VAPA: variants seen among roughly 807,000 people sequenced by gnomAD.
VAPA encodes vesicle-associated membrane protein-associated protein A.
Under a neutral mutation model 25.6 loss-of-function variants are expected in VAPA, and 6 were observed. The ratio of observed to expected loss-of-function variants is 0.23; its 90% CI spans 0.13 to 0.46. The LOEUF (loss-of-function observed/expected upper bound fraction) is 0.46. VAPA is among the 20% of genes least tolerant of loss of function. VAPA has a pLI of 0.99. For synonymous variants in VAPA, 112 were observed against 106.2 expected, an observed-to-expected ratio of 1.05 and a Z score of -0.34; for missense variants, 244 against 302.1, an observed-to-expected ratio of 0.81 and a Z score of 1.43.
At chr18:9,939,639 C>G (rs2069347177) in intron 4 of VAPA, among the ~76,000 whole-genome samples, 1 of 149,738 alleles carries the variant, frequency 6.7e-6, no homozygotes, top group African/African-American at 2.5e-5. Flanking sequence ...AACCTTTTTT[C>G]CCTGTCCCTG....
At chr18:9,934,288 C>A (rs1266715520) in intron 2 of VAPA, among the ~76,000 whole-genome samples, 1 of 152,014 alleles carries the variant, frequency 6.6e-6, no homozygotes, top group Non-Finnish European at 1.5e-5. Context: ...TTTTCAAGAT[C>A]GTCTTTGTCT....
intron 1 of VAPA, among the ~76,000 whole-genome samples, chr18:9,924,307 A>G (rs1293042983): frequency 1.3e-5 from 2 of 152,122 alleles, no homozygotes; most frequent in African/African-American, 4.8e-5. Flanking sequence ...TTCTATTTTA[A>G]TCAAGATGTT....
intron 1 of VAPA, among the ~76,000 whole-genome samples, chr18:9,918,246 C>T (rs2069128487): frequency 6.6e-6 from 1 of 152,190 alleles, no homozygotes; most frequent in African/African-American, 2.4e-5. Flanking sequence ...CATATAAATA[C>T]ACCAGAGTCT....
Position 9,936,974 on chromosome 18 carries a change from GTTTAT to G in VAPA, c.337-8_337-4del. On this transcript the variant is annotated splice_polypyrimidine_tract_variant and splice_region_variant and intron_variant, in intron 3 of 5. Transcript: ENST00000400000. ...CCTCCTATGTCTCATGTTTGGTTTT[GTTTAT>G]TTTTAGTGGAAAGAGGCAAAACCTG... The G allele has an allele frequency of 6.2e-7, 1 of 1,612,572 alleles. No homozygotes were observed. Among genetic ancestry groups the G allele is most frequent in the Non-Finnish European group, 8.5e-7 (1 of 1,178,918 alleles).
intron 4 of VAPA, among the ~76,000 whole-genome samples, chr18:9,943,462 A>G (rs1448550545): frequency 6.6e-6 from 1 of 152,170 alleles, no homozygotes; most frequent in Non-Finnish European, 1.5e-5. Context: ...AATACATTTC[A>G]TTTTGTTAAT....
chr18:9,942,531 G>A (rs996327150), intron 4 of VAPA, among the ~76,000 whole-genome samples: 9 of 152,044 alleles, frequency 5.9e-5, no homozygotes, highest in African/African-American at 2.2e-4. Flanking sequence ...TACTGTATTA[G>A]TCTGTTCTCA....
chr18:9,954,180 T>G lies in VAPA; in HGVS notation c.719T>G (p.Ile240Ser). The G allele has an allele frequency of 6.8e-6, 11 of 1,613,974 alleles. No individual in the cohort carries two copies. The highest frequency in any genetic ancestry group is 9.3e-6 in the Non-Finnish European group (11 of 1,179,910). Residue 240 changes from isoleucine to serine, a missense_variant, in exon 6 of 6, where the codon ATT becomes AGT. This residue lies in a region of VAPA where 145 missense variants were observed against 140.6 expected (regional missense o/e 1.03). Transcript: ENST00000400000. ...CTTGTTGTAATTGCAGCCATTTTCA[T>G]TGGATTCTTTCTAGGGAAATTCATC... is the stretch of plus-strand genomic sequence containing the variant. ...SLLVVIAAIF[I>S]GFFLGKFIL
At chr18:9,918,398 C>T (rs749776646) in intron 1 of VAPA, among the ~76,000 whole-genome samples, 4 of 152,192 alleles carry the variant, frequency 2.6e-5, no homozygotes, top group Non-Finnish European at 4.4e-5. Context: ...CAGTTACTCA[C>T]CTTTTATTCT....
Position 9,929,579 on chromosome 18 carries a change from G to A in VAPA, c.80-2231G>A, listed in dbSNP as rs569640851. Among the ~76,000 whole-genome samples, 5 of 152,212 alleles carry A rather than the reference G, an allele frequency of 3.3e-5. No homozygotes were observed. In the South Asian group the frequency reaches 6.2e-4, roughly 19 times the overall value. On this transcript the variant is annotated intron_variant, in intron 1 of 5. Transcript: ENST00000400000. The stretch of plus-strand genomic sequence containing the variant: ...TTTTATGAGGTGGGATATGGCTTTC[G>A]TCAGGTTCTTAAAGGATTCTGTGAC...
chr18:9,928,453 G>C (rs1279364655), intron 1 of VAPA, among the ~76,000 whole-genome samples: 1 of 152,048 alleles, frequency 6.6e-6, no homozygotes, highest in Admixed American at 6.6e-5. Flanking sequence ...TTCCACTGCA[G>C]GATTAACCAT....
chr18:9,958,738 A>C lies in VAPA; in HGVS notation c.*4527A>C, dbSNP rs1275972504. 6.6e-6 allele frequency: 1 copy of C among 152,202 alleles called. No individual in the cohort carries two copies. The highest frequency in any genetic ancestry group is 1.5e-5 in the Non-Finnish European group (1 of 68,032). The allele number at this position is 152,202 out of a possible 1,614,324, so 9.4% of individuals were successfully genotyped here. On this transcript the variant is annotated 3_prime_UTR_variant, in exon 6 of 6. Coordinates refer to ENST00000400000, the MANE Select transcript of VAPA (RefSeq NM_194434.3). ...AAATACTTATTTTTCTTTAAACTGC[A>C]GGAGTCACTGTTAGGTATTGCTTAA...
chr18:9,955,122 C>T lies in VAPA; in HGVS notation c.*911C>T, dbSNP rs1035922183. 1.3e-5 allele frequency: 2 copies of T among 152,050 alleles called. No individual in the cohort carries two copies. Among genetic ancestry groups the T allele is most frequent in the Non-Finnish European group, 1.5e-5 (1 of 68,002 alleles). The allele number at this position is 152,050 out of a possible 1,614,324, so 9.4% of individuals were successfully genotyped here. On this transcript the variant is annotated 3_prime_UTR_variant, in exon 6 of 6. Coordinates refer to ENST00000400000, the MANE Select transcript of VAPA (RefSeq NM_194434.3). ...CATGGCTGTGCTCCATCTGATTTAC[C>T]CCATTCTTAAGTTCTGAGAGTATGT...
intron 4 of VAPA, chr18:9,949,103 G>C (rs1450613250): frequency 6.6e-6 from 1 of 152,194 alleles, no homozygotes; most frequent in Non-Finnish European, 1.5e-5. Flanking sequence ...ACAGGAAAAA[G>C]TATTGGCAGG....
At chr18:9,936,280 G>A in intron 3 of VAPA, 67 bp downstream of exon 3, 1 of 1,012,316 alleles carries the variant, frequency 9.9e-7, no homozygotes, top group Non-Finnish European at 1.4e-6. Context: ...TTAGCAGTCA[G>A]TAGAAAAACT....
chr18:9,914,360 G>T, intron 1 of VAPA, 25 bp downstream of exon 1: 1 of 1,554,300 alleles, frequency 6.4e-7, no homozygotes, highest in Non-Finnish European at 8.7e-7. Context: ...GACACCCCCG[G>T]GTGGGGTGGG....
intron 1 of VAPA, 174 bp downstream of exon 1, chr18:9,914,509 C>T (rs1427802384): frequency 2.3e-6 from 1 of 442,814 alleles, no homozygotes; most frequent in Non-Finnish European, 3.8e-6. Context: ...GCCGGCCTGC[C>T]CCTTGCTCCG....
intron 4 of VAPA, among the ~76,000 whole-genome samples, chr18:9,945,236 C>A (rs1284752732): frequency 2.0e-5 from 3 of 151,318 alleles, no homozygotes; most frequent in Non-Finnish European, 2.9e-5. Context: ...ACAAACTATT[C>A]TGTTCTAAAA....
chr18:9,928,204 A>G (rs1218413633), intron 1 of VAPA, among the ~76,000 whole-genome samples: 1 of 152,154 alleles, frequency 6.6e-6, no homozygotes, highest in East Asian at 1.9e-4. Flanking sequence ...TTTATTACAT[A>G]AATTGCATCA....
At chr18:9,928,895 AT>A (rs1309460122) in intron 1 of VAPA, among the ~76,000 whole-genome samples, 11 of 152,180 alleles carry the variant, frequency 7.2e-5, no homozygotes, top group Non-Finnish European at 1.6e-4. Context: ...AATAAGAGTT[AT>A]CCGAGTAGTA....
Sources: gnomAD v4.1 joint callset for allele counts (sites outside exome capture counted in the v4.1 genomes callset) on GRCh38, gnomAD v4.1.1 for gene constraint, gnomAD v4.1.1 regional missense constraint, MANE v1.5 for transcripts, NCBI Gene and HGNC (gene_info 2026-07-23, HGNC 2026-07-21) for gene names.